DPY30: variants seen among roughly 807,000 people sequenced by gnomAD.
The protein encoded by DPY30 is protein dpy-30 homolog.
A neutral mutation model predicts 16.2 loss-of-function variants in DPY30; 6 were observed. The ratio of observed to expected loss-of-function variants is 0.37; its 90% CI spans 0.20 to 0.73. DPY30 has a LOEUF of 0.73. Ranked by LOEUF, DPY30 falls within the 30% of genes least tolerant of loss-of-function variation. The pLI is 0.51. For synonymous variants in DPY30, 39 were observed against 38.8 expected (o/e 1.00, Z -0.02); for missense variants, 73 against 113.1 (o/e 0.65, Z 1.61).
intron 3 of DPY30, among the ~76,000 whole-genome samples, chr2:32,030,076 A>T (rs1365704719): frequency 2.7e-5 from 4 of 150,110 alleles, no homozygotes; most frequent in South Asian, 2.1e-4. Context: ...AAAAAAAAAA[A>T]AAAAAATAAT....
intron 3 of DPY30, among the ~76,000 whole-genome samples, chr2:32,035,350 T>C (rs1195783448): frequency 1.3e-5 from 2 of 151,952 alleles, no homozygotes; most frequent in Admixed American, 1.3e-4. Context: ...ACACTTGTAA[T>C]CCCAGCACTT....
At chr2:32,023,527 T>A, downstream of DPY30, 1 of 487,516 alleles carries the variant, frequency 2.1e-6, no homozygotes. Flanking sequence ...ATATCAGAGA[T>A]CATTTAAGTA....
chr2:32,024,101 G>T lies in DPY30; in HGVS notation c.*83C>A. 1 of 1,549,144 alleles carries T rather than the reference G, an allele frequency of 6.5e-7. No individual in the cohort carries two copies. On this transcript the variant is annotated 3_prime_UTR_variant, in exon 5 of 5. Coordinates refer to ENST00000342166, the MANE Select transcript of DPY30 (RefSeq NM_001321209.2). ...GAAGGTTCTTATACATCCAAAAAGA[G>T]GGAATGATCATGGCAATTAAAGCTG...
intron 5 of DPY30, among the ~76,000 whole-genome samples, chr2:32,016,299 C>T (rs1675064901): frequency 6.6e-6 from 1 of 152,302 alleles, no homozygotes; most frequent in Admixed American, 6.5e-5. Context: ...TTCTTCTTTG[C>T]TAATTTACAC....
chr2:32,038,177 C>T (rs2148672758), intron 3 of DPY30, among the ~76,000 whole-genome samples: 1 of 149,406 alleles, frequency 6.7e-6, no homozygotes, highest in South Asian at 2.1e-4. Context: ...GCTTTATCAC[C>T]CAGGATGGAG....
chr2:32,019,433 A>G (rs1442036538), downstream of DPY30, among the ~76,000 whole-genome samples: 1 of 152,180 alleles, frequency 6.6e-6, no homozygotes, highest in East Asian at 1.9e-4. Flanking sequence ...GACCGGCTTG[A>G]GCCGAGGAGG....
chr2:32,022,620 C>G (rs189721812), downstream of DPY30, among the ~76,000 whole-genome samples: 2 of 151,992 alleles, frequency 1.3e-5, no homozygotes, highest in Non-Finnish European at 2.9e-5. Context: ...CAGGTTTAAG[C>G]AAGTCTTCTG....
rs557024193 is a variant in DPY30, at chr2:32,030,670, G to A, written c.85-934C>T. ...AAAAATTATCCAGGCGTGGTAGTGC[G>A]TGCCTGTAGCCCCAGCTACTCAGGA... On this transcript the variant is annotated intron_variant, in intron 3 of 4. Coordinates refer to ENST00000342166, the MANE Select transcript of DPY30 (RefSeq NM_001321209.2). Among the ~76,000 whole-genome samples, 20 of 151,466 alleles carry A rather than the reference G, an allele frequency of 1.3e-4. 1 individual carries two copies. Among genetic ancestry groups the A allele is most frequent in the Non-Finnish European group, 2.4e-4 (16 of 67,888 alleles).
intron 4 of DPY30, among the ~76,000 whole-genome samples, chr2:32,027,488 C>A (rs1212428162): frequency 6.7e-6 from 1 of 149,156 alleles, no homozygotes; most frequent in Non-Finnish European, 1.5e-5. Flanking sequence ...TGAGATCATG[C>A]CACTGCATTC....
chr2:32,021,762 C>T (rs1675186950), downstream of DPY30, among the ~76,000 whole-genome samples: 1 of 151,482 alleles, frequency 6.6e-6, no homozygotes, highest in Non-Finnish European at 1.5e-5. Flanking sequence ...CCCGTTAACA[C>T]ATAAATAATA....
At chr2:32,036,188 G>A (rs562388213) in intron 3 of DPY30, among the ~76,000 whole-genome samples, 1 of 151,718 alleles carries the variant, frequency 6.6e-6, no homozygotes, top group Admixed American at 6.6e-5. Context: ...ATGTTGCCCA[G>A]GCTGGTCTTA....
At chr2:32,023,605 A>G (rs1268360219), downstream of DPY30, 2 of 691,946 alleles carry the variant, frequency 2.9e-6, no homozygotes, top group African/African-American at 1.9e-5. Flanking sequence ...AATGTTGATA[A>G]CATTAGAAGA....
chr2:32,028,886 C>T (rs1377009435), intron 4 of DPY30, among the ~76,000 whole-genome samples: 3 of 151,998 alleles, frequency 2.0e-5, no homozygotes, highest in Non-Finnish European at 2.9e-5. Flanking sequence ...TCGCTTGAAC[C>T]CGGTGAGGTG....
intron 3 of DPY30, 91 bp from the exon 4 acceptor site, chr2:32,029,827 A>C: frequency 7.0e-7 from 1 of 1,420,674 alleles, no homozygotes; most frequent in Admixed American, 1.8e-5. Flanking sequence ...TGACACTAAT[A>C]GAAAAGGCAA....
intron 3 of DPY30, among the ~76,000 whole-genome samples, chr2:32,038,711 G>A (rs1158714851): frequency 1.4e-5 from 2 of 142,452 alleles, no homozygotes; most frequent in East Asian, 4.2e-4. Context: ...GTGCAGTGGC[G>A]CGATCTCAGC....
chr2:32,025,407 G>A (rs958076611), intron 4 of DPY30, among the ~76,000 whole-genome samples: 1 of 151,998 alleles, frequency 6.6e-6, no homozygotes, highest in African/African-American at 2.4e-5. Flanking sequence ...AGGTTGCAGT[G>A]AGCCGAGATC....
At chr2:32,039,155 A>T in intron 3 of DPY30, 124 bp downstream of exon 3, 1 of 1,134,248 alleles carries the variant, frequency 8.8e-7, no homozygotes, top group South Asian at 1.3e-5. Context: ...CCATAACTTG[A>T]TACTATTCAG....
At chr2:32,025,066 A>T (rs1363541182) in intron 4 of DPY30, among the ~76,000 whole-genome samples, 1 of 152,246 alleles carries the variant, frequency 6.6e-6, no homozygotes, top group African/African-American at 2.4e-5. Flanking sequence ...AAACATTCCC[A>T]GAGCACTTTA....
chr2:32,039,205 G>A (rs1675870535), intron 3 of DPY30, 74 bp downstream of exon 3: 5 of 1,592,438 alleles, frequency 3.1e-6, no homozygotes, highest in African/African-American at 1.3e-5. Flanking sequence ...TAGCCACCTA[G>A]TAAAAGCAGA....
Sources: allele counts gnomAD v4.1 joint callset (sites outside exome capture counted in the v4.1 genomes callset), GRCh38; gene constraint gnomAD v4.1.1; transcripts MANE v1.5; gene names NCBI Gene and HGNC (gene_info 2026-07-23, HGNC 2026-07-21).